XKR4: variants seen among roughly 807,000 people sequenced by gnomAD.
XKR4 encodes XK related 4.
In XKR4, 12 loss-of-function variants were observed where a neutral mutation model predicts 53.9. The ratio of observed to expected loss-of-function variants is 0.22; its 90% CI spans 0.14 to 0.36. XKR4 has a LOEUF of 0.36. XKR4 is among the 10% of genes least tolerant of loss of function. The probability of loss-of-function intolerance (pLI) is 1.00; values close to 1 mark genes in which losing one functional copy is unlikely to be tolerated. For missense variants in XKR4, 799 were observed against 859.5 expected (o/e 0.93, Z 0.88); for synonymous variants, 354 against 362.4 (o/e 0.98, Z 0.26).
intron 2 of XKR4, among the ~76,000 whole-genome samples, chr8:55,371,501 G>A (rs1804069547): frequency 2.0e-5 from 3 of 151,990 alleles, no homozygotes; most frequent in Admixed American, 2.0e-4. Flanking sequence ...TCAATACTTG[G>A]GATACTTGGG....
intron 1 of XKR4, among the ~76,000 whole-genome samples, chr8:55,198,345 C>CT (rs1472499330): frequency 2.6e-5 from 4 of 152,016 alleles, no homozygotes; most frequent in African/African-American, 9.7e-5. Flanking sequence ...TGTCAATAGC[C>CT]TTTTTTATGG....
chr8:55,428,396 G>A (rs950022782), intron 2 of XKR4, among the ~76,000 whole-genome samples: 1 of 152,138 alleles, frequency 6.6e-6, no homozygotes, highest in African/African-American at 2.4e-5. Context: ...TGACCAGGTA[G>A]AGAGACATCC....
chr8:55,475,845 CCCT>C (rs1805976117), intron 2 of XKR4, among the ~76,000 whole-genome samples: 2 of 151,844 alleles, frequency 1.3e-5, no homozygotes, highest in Non-Finnish European at 2.9e-5. Context: ...TTGTGATCCA[CCCT>C]CCTCAGCCTC....
In XKR4 at chr8:55,539,596, G is replaced by A. The variant is rs2129407652; in HGVS notation, c.*15369G>A. ...ATCTGATTCATTTTTTTTAAAGTTT[G>A]TGCTGCCAAACCAGACTGAAGTATT... On this transcript the variant is annotated 3_prime_UTR_variant, in exon 3 of 3. Coordinates refer to ENST00000327381, the MANE Select transcript of XKR4 (RefSeq NM_052898.2). 1.3e-5 allele frequency: 2 copies of A among 152,180 alleles called. No individual in the cohort carries two copies. Among genetic ancestry groups the A allele is most frequent in the Admixed American group, 1.3e-4 (2 of 15,274 alleles). 9.4% of individuals were successfully genotyped at this position (152,180 alleles called of 1,614,324 possible).
intron 1 of XKR4, among the ~76,000 whole-genome samples, chr8:55,104,110 C>A (rs1262921569): frequency 6.6e-6 from 1 of 151,994 alleles, no homozygotes; most frequent in Non-Finnish European, 1.5e-5. Flanking sequence ...ACACAGGGAT[C>A]ACTTCAGTTA....
chr8:55,491,706 G>C (rs529332658), intron 2 of XKR4, among the ~76,000 whole-genome samples: 5 of 152,176 alleles, frequency 3.3e-5, no homozygotes, highest in African/African-American at 1.2e-4. Flanking sequence ...GTGTTGCCCA[G>C]GCTGGCCTGA....
At chr8:55,307,443 G>C (rs1285653505) in intron 1 of XKR4, among the ~76,000 whole-genome samples, 1 of 152,144 alleles carries the variant, frequency 6.6e-6, no homozygotes, top group African/African-American at 2.4e-5. Flanking sequence ...CTTGAGCCCA[G>C]GAGTTCAAGA....
intron 2 of XKR4, among the ~76,000 whole-genome samples, chr8:55,455,551 A>G (rs1805557800): frequency 6.6e-6 from 1 of 152,260 alleles, no homozygotes; most frequent in Non-Finnish European, 1.5e-5. Flanking sequence ...GAAACTCAGT[A>G]GGAAACAAAA....
intron 1 of XKR4, among the ~76,000 whole-genome samples, chr8:55,156,368 G>A (rs1816906372): frequency 6.7e-6 from 1 of 148,770 alleles, no homozygotes; most frequent in East Asian, 2.0e-4. Flanking sequence ...AGTCAACAGT[G>A]AGCTCAAGGT....
At chr8:55,475,734 C>A (rs1035303973) in intron 2 of XKR4, among the ~76,000 whole-genome samples, 2 of 151,892 alleles carry the variant, frequency 1.3e-5, no homozygotes, top group Non-Finnish European at 2.9e-5. Flanking sequence ...TCCCAAGTAG[C>A]TGGGATTATA....
rs1449450318 is a variant in XKR4, at chr8:55,248,320, C to G, written c.807-109358C>G. Among the ~76,000 whole-genome samples the G allele has an allele frequency of 2.6e-5, 4 of 152,306 alleles. No homozygotes were observed. In the East Asian group the frequency reaches 7.7e-4, roughly 29 times the overall value. On this transcript the variant is annotated intron_variant, in intron 1 of 2. Transcript: ENST00000327381. ...TAGGCTTTCTAAATAGCTGATTCAT[C>G]CCCACCAAAGTGCATTCATCCTCTG...
chr8:55,231,285 A>G (rs372905585), intron 1 of XKR4, among the ~76,000 whole-genome samples: 1 of 152,172 alleles, frequency 6.6e-6, no homozygotes, highest in Admixed American at 6.5e-5. Flanking sequence ...CCTTATTTAC[A>G]TGTAGTTAGC....
rs138443078 is a variant in XKR4, at chr8:55,344,371, G to A, written c.807-13307G>A. ...TTTATCATAAAATCACTTGAACAGG[G>A]CTTAGGACAAAGGTTCTGATTCTAT... On this transcript the variant is annotated intron_variant, in intron 1 of 2. Coordinates refer to ENST00000327381, the MANE Select transcript of XKR4 (RefSeq NM_052898.2). 2.0e-5 allele frequency among the ~76,000 whole-genome samples: 3 copies of A among 151,856 alleles called. No individual in the cohort carries two copies. In the East Asian group the frequency reaches 5.8e-4, roughly 29 times the overall value.
chr8:55,404,616 T>C (rs575967736), intron 2 of XKR4, among the ~76,000 whole-genome samples: 6 of 152,248 alleles, frequency 3.9e-5, no homozygotes, highest in African/African-American at 9.6e-5. Flanking sequence ...TTTTAATTTC[T>C]GTGATCTATA....
chr8:55,111,913 G>A (rs1176510141), intron 1 of XKR4, among the ~76,000 whole-genome samples: 1 of 152,086 alleles, frequency 6.6e-6, no homozygotes, highest in Non-Finnish European at 1.5e-5. Flanking sequence ...ATTTAAAATT[G>A]GATTTAAAAC....
intron 2 of XKR4, among the ~76,000 whole-genome samples, chr8:55,404,575 G>T (rs1452092719): frequency 6.6e-6 from 1 of 152,186 alleles, no homozygotes; most frequent in Non-Finnish European, 1.5e-5. Context: ...AAAGATCGTT[G>T]TGTTCATTCA....
intron 2 of XKR4, among the ~76,000 whole-genome samples, chr8:55,389,458 A>T (rs1260967247): frequency 6.6e-6 from 1 of 152,248 alleles, no homozygotes; most frequent in East Asian, 1.9e-4. Flanking sequence ...GCAATATAAG[A>T]TGAAGACTAC....
chr8:55,182,699 A>T (rs1399796884), intron 1 of XKR4, among the ~76,000 whole-genome samples: 2 of 152,164 alleles, frequency 1.3e-5, no homozygotes, highest in African/African-American at 4.8e-5. Context: ...ATTACTGTAG[A>T]TTAATAGTAT....
At chr8:55,320,796 G>A (rs1803197734) in intron 1 of XKR4, among the ~76,000 whole-genome samples, 1 of 152,044 alleles carries the variant, frequency 6.6e-6, no homozygotes, top group Non-Finnish European at 1.5e-5. Context: ...TCACTGGCAT[G>A]AGACACACCT....
Sources: allele counts gnomAD v4.1 joint callset (sites outside exome capture counted in the v4.1 genomes callset), GRCh38; gene constraint gnomAD v4.1.1; transcripts MANE v1.5; gene names NCBI Gene and HGNC (gene_info 2026-07-23, HGNC 2026-07-21).